Variants in CEMIP observed in about 807,000 individuals in gnomAD.
CEMIP encodes the protein cell migration inducing hyaluronidase 1.
A neutral mutation model predicts 156.9 loss-of-function variants in CEMIP; 105 were observed. The observed-to-expected ratio is 0.67, with a 90% CI of 0.57 to 0.79. The LOEUF is 0.79. Ranked by LOEUF, CEMIP falls within the 30% of genes least tolerant of loss-of-function variation. CEMIP has a pLI of 0.00. For synonymous variants in CEMIP, 676 were observed against 668.4 expected, an observed-to-expected ratio of 1.01 and a Z score of -0.17; for missense variants, 1,457 against 1,769.4, an observed-to-expected ratio of 0.82 and a Z score of 3.17.
intron 18 of CEMIP, among the ~76,000 whole-genome samples, chr15:80,925,191 G>A (rs752241870): frequency 1.3e-5 from 2 of 152,206 alleles, no homozygotes; most frequent in Non-Finnish European, 1.5e-5. Flanking sequence ...CATCAAAAGT[G>A]GGTAACACTG....
chr15:80,890,892 C>T (rs1243467328), intron 10 of CEMIP, among the ~76,000 whole-genome samples: 1 of 152,200 alleles, frequency 6.6e-6, no homozygotes, highest in Non-Finnish European at 1.5e-5. Flanking sequence ...GGCTGAGACT[C>T]TTCCCTTCAC....
intron 1 of CEMIP, among the ~76,000 whole-genome samples, chr15:80,797,797 A>G (rs1430788369): frequency 6.6e-6 from 1 of 152,232 alleles, no homozygotes; most frequent in Non-Finnish European, 1.5e-5. Context: ...GAAGTCCTGC[A>G]GCTTCGGGTT....
At chr15:80,835,646 G>A (rs999645105) in intron 1 of CEMIP, among the ~76,000 whole-genome samples, 4 of 152,228 alleles carry the variant, frequency 2.6e-5, no homozygotes, top group African/African-American at 9.6e-5. Context: ...ATATTATTTT[G>A]TTCATTACAG....
rs1331148883 is a variant in CEMIP at position 80,864,412 on chromosome 15, C to T, written c.-175-9126C>T. 3.3e-5 allele frequency among the ~76,000 whole-genome samples: 5 copies of T among 152,206 alleles called. No individual in the cohort carries two copies. In the East Asian group the frequency reaches 9.6e-4, roughly 29 times the overall value. On this transcript the variant is annotated intron_variant, in intron 1 of 29. Coordinates refer to ENST00000394685, the MANE Select transcript of CEMIP (RefSeq NM_001293298.2). ...CAATTTATTCGTGAAAAAGGCTACC[C>T]TAAAAGCCCATGTAGTAAGCCAGGC...
intron 24 of CEMIP, among the ~76,000 whole-genome samples, chr15:80,937,253 C>T (rs1329742320): frequency 1.3e-5 from 2 of 152,208 alleles, no homozygotes; most frequent in Non-Finnish European, 2.9e-5. Flanking sequence ...ATTGTTGTTA[C>T]CATCCTACAG....
chr15:80,932,415 T>G lies in CEMIP; in HGVS notation c.2793+376T>G, dbSNP rs928189149. Among the ~76,000 whole-genome samples, 6 of 152,164 alleles carry G rather than the reference T, an allele frequency of 3.9e-5. No individual in the cohort carries two copies. The highest frequency in any genetic ancestry group is 1.3e-4 in the Admixed American group (2 of 15,276). On this transcript the variant is annotated intron_variant, in intron 22 of 29. Coordinates refer to ENST00000394685, the MANE Select transcript of CEMIP (RefSeq NM_001293298.2). The surrounding 1 kb of genome is among the most constrained non-coding windows in gnomAD (Gnocchi z 4.5). Reference sequence around the variant, plus strand: ...AAAGAATCTAACAAGCCCCACAGTTTCCAAGGGAAGTCTTAGCTGATGATG... The same window carrying G: ...AAAGAATCTAACAAGCCCCACAGTTGCCAAGGGAAGTCTTAGCTGATGATG...
intron 1 of CEMIP, among the ~76,000 whole-genome samples, chr15:80,846,100 G>A (rs1456552302): frequency 6.6e-6 from 1 of 152,070 alleles, no homozygotes; most frequent in Non-Finnish European, 1.5e-5. Flanking sequence ...TTTGCTTTGG[G>A]CCAGGCCAGG....
chr15:80,921,925 C>T, intron 16 of CEMIP, 84 bp from the exon 17 acceptor site: 1 of 1,588,382 alleles, frequency 6.3e-7, no homozygotes, highest in Non-Finnish European at 8.6e-7. Flanking sequence ...AGACCCATCT[C>T]CGGCGTGGGC....
intron 1 of CEMIP, among the ~76,000 whole-genome samples, chr15:80,827,482 G>T (rs1897062603): frequency 6.6e-6 from 1 of 152,126 alleles, no homozygotes; most frequent in African/African-American, 2.4e-5. Context: ...AGCTGGGCAT[G>T]GTGGTATGTC....
intron 1 of CEMIP, among the ~76,000 whole-genome samples, chr15:80,785,341 C>T (rs1422893007): frequency 6.6e-6 from 1 of 152,196 alleles, no homozygotes; most frequent in Non-Finnish European, 1.5e-5. Context: ...TCTTCCTCAA[C>T]CCCCTCCCTG....
At chr15:80,874,639 T>C (rs1236677739) in intron 3 of CEMIP, among the ~76,000 whole-genome samples, 1 of 152,246 alleles carries the variant, frequency 6.6e-6, no homozygotes, top group Non-Finnish European at 1.5e-5. Context: ...TATTTTTCTA[T>C]CTCAGCATTG....
intron 25 of CEMIP, among the ~76,000 whole-genome samples, chr15:80,940,539 C>A (rs1424117202): frequency 6.6e-6 from 1 of 152,176 alleles, no homozygotes; most frequent in Non-Finnish European, 1.5e-5. Flanking sequence ...GCTTCCCCAC[C>A]ACGCAGGGCA....
chr15:80,800,021 A>G (rs865957164), intron 1 of CEMIP, among the ~76,000 whole-genome samples: 66 of 124,904 alleles, frequency 5.3e-4, no homozygotes, highest in South Asian at 3.5e-3. Context: ...AGCTAATTTT[A>G]TGTGTGTGTG....
rs1469746553 is a variant in CEMIP at position 80,906,898 on chromosome 15, C to T, written c.1587+60C>T. ...CCAGGAGAGTTCCTATGATGTCAGC[C>T]TCTAGACGGGCCTTCTTGGTAGGGA... On this transcript the variant is annotated intron_variant, in intron 13 of 29. Transcript: ENST00000394685. The surrounding 1 kb of genome is among the most constrained non-coding windows in gnomAD (Gnocchi z 4.3). 6.5e-7 allele frequency: 1 copy of T among 1,535,234 alleles called. No individual in the cohort carries two copies. Among genetic ancestry groups the T allele is most frequent in the Non-Finnish European group, 8.9e-7 (1 of 1,128,724 alleles).
chr15:80,846,918 G>A (rs796190866), intron 1 of CEMIP, among the ~76,000 whole-genome samples: 8 of 152,320 alleles, frequency 5.3e-5, no homozygotes, highest in South Asian at 2.1e-4. Flanking sequence ...CCCTGAGCAC[G>A]TTTTTAAAAG....
At chr15:80,937,741 G>A (rs1293122274) in intron 24 of CEMIP, 53 bp from the exon 25 acceptor site, 1 of 1,557,614 alleles carries the variant, frequency 6.4e-7, no homozygotes, top group Non-Finnish European at 8.9e-7. Context: ...TGCTCCAAAG[G>A]CCCTGTGGCC....
Position 80,925,633 on chromosome 15 carries a change from T to C in CEMIP, c.2298T>C (p.Pro766=). The C allele has an allele frequency of 6.2e-7, 1 of 1,612,804 alleles. No homozygotes were observed. Among genetic ancestry groups the C allele is most frequent in the Non-Finnish European group, 8.5e-7 (1 of 1,179,912 alleles). ...FLSIISARYS[P]HQDADPLKPR... ...CATGGTTGTGCTGCAGATACAGCCC[T>C]CACCAGGACGCCGACCCGCTGAAGC... Residue 766 remains proline, a synonymous_variant, in exon 19 of 30, where the codon CCT becomes CCC. Coordinates refer to ENST00000394685, the MANE Select transcript of CEMIP (RefSeq NM_001293298.2).
At chr15:80,811,975 T>C (rs1410503985) in intron 1 of CEMIP, among the ~76,000 whole-genome samples, 2 of 151,934 alleles carry the variant, frequency 1.3e-5, no homozygotes, top group Non-Finnish European at 2.9e-5. Flanking sequence ...CTCAGCATGG[T>C]TTTTGCTTTG....
intron 21 of CEMIP, among the ~76,000 whole-genome samples, chr15:80,930,354 C>T (rs1900862282): frequency 6.6e-6 from 1 of 152,230 alleles, no homozygotes; most frequent in African/African-American, 2.4e-5. Context: ...GGGTTACCAG[C>T]CTCCCGGGGC....
Sources: allele counts gnomAD v4.1 joint callset (sites outside exome capture counted in the v4.1 genomes callset), GRCh38; gene constraint gnomAD v4.1.1; non-coding constraint Gnocchi (gnomAD v3.1); transcripts MANE v1.5; gene names NCBI Gene and HGNC (gene_info 2026-07-23, HGNC 2026-07-21).